Variants in PRKN observed in about 807,000 individuals in gnomAD.
PRKN encodes the protein E3 ubiquitin-protein ligase parkin.
Under a neutral mutation model 59.5 loss-of-function variants are expected in PRKN, and 56 were observed. The ratio of observed to expected loss-of-function variants is 0.94; its 90% confidence interval spans 0.76 to 1.18. The LOEUF (loss-of-function observed/expected upper bound fraction) is 1.18, where lower values mean the gene tolerates loss of function less well. Ranked by LOEUF, PRKN falls within the 50% of genes most tolerant of loss-of-function variation. The pLI is 0.00. For synonymous variants in PRKN, 250 were observed against 222.1 expected, an observed-to-expected ratio of 1.13 and a Z score of -1.12; for missense variants, 657 against 596.4, an observed-to-expected ratio of 1.10 and a Z score of -1.06.
chr6:161,750,704 T>G (rs551749896), intron 7 of PRKN, among the ~76,000 whole-genome samples: 1 of 149,096 alleles, frequency 6.7e-6, no homozygotes, highest in Non-Finnish European at 1.5e-5. Context: ...GAGGCAGAGG[T>G]TGCAGTGAGC....
In PRKN at chr6:161,347,439, A is replaced by T. The variant is rs904843395; in HGVS notation, c.*2660T>A. ...AAGCTCTTTTGATGCTTTATTGACA[A>T]TTTAAGTACAATCTTAGAGTTGTCA... On this transcript the variant is annotated 3_prime_UTR_variant, in exon 12 of 12. Coordinates refer to ENST00000366898, the MANE Select transcript of PRKN (RefSeq NM_004562.3). The T allele has an allele frequency of 1.3e-5, 2 of 152,136 alleles. No individual in the cohort carries two copies. Among genetic ancestry groups the T allele is most frequent in the African/African-American group, 4.8e-5 (2 of 41,418 alleles). The allele number at this position is 152,136 out of a possible 1,614,324, so 9.4% of individuals were successfully genotyped here. A position where few individuals can be genotyped will look rare whatever the true frequency, so the allele number is the denominator to read the frequency against.
chr6:161,964,534 G>T (rs1345105847), intron 6 of PRKN, among the ~76,000 whole-genome samples: 2 of 151,970 alleles, frequency 1.3e-5, no homozygotes, highest in Non-Finnish European at 2.9e-5. Flanking sequence ...ATATATCTTT[G>T]AAGTTTTCTC....
At chr6:162,586,568 C>A (rs1243011789) in intron 1 of PRKN, among the ~76,000 whole-genome samples, 1 of 152,124 alleles carries the variant, frequency 6.6e-6, no homozygotes, top group East Asian at 1.9e-4. Flanking sequence ...CCATCCTCTC[C>A]AATATGACTA....
intron 2 of PRKN, among the ~76,000 whole-genome samples, chr6:162,394,184 T>A (rs1287371495): frequency 6.6e-6 from 1 of 152,204 alleles, no homozygotes; most frequent in Non-Finnish European, 1.5e-5. Context: ...AATCTCGCTT[T>A]CATGTTTTCA....
chr6:162,437,954 A>G (rs1490795953), intron 2 of PRKN, among the ~76,000 whole-genome samples: 1 of 152,102 alleles, frequency 6.6e-6, no homozygotes, highest in African/African-American at 2.4e-5. Flanking sequence ...TAAGAGTATA[A>G]CTCTGTCATC....
At chr6:162,323,514 T>C (rs1026952332) in intron 2 of PRKN, among the ~76,000 whole-genome samples, 1 of 152,028 alleles carries the variant, frequency 6.6e-6, no homozygotes, top group Admixed American at 6.6e-5. Context: ...ATATGATATA[T>C]TCTTGTATCT....
At chr6:161,766,383 C>G (rs1047534323) in intron 7 of PRKN, among the ~76,000 whole-genome samples, 1 of 147,412 alleles carries the variant, frequency 6.8e-6, no homozygotes, top group African/African-American at 2.5e-5. Context: ...TCTTGGCTCA[C>G]TGCAACCTCC....
chr6:161,910,117 T>C (rs1217448042), intron 6 of PRKN, among the ~76,000 whole-genome samples: 2 of 152,210 alleles, frequency 1.3e-5, no homozygotes, highest in Non-Finnish European at 2.9e-5. Flanking sequence ...AAGATGTGAC[T>C]GAATTGTGGC....
At chr6:161,887,117 A>G (rs1795183546) in intron 6 of PRKN, among the ~76,000 whole-genome samples, 1 of 152,228 alleles carries the variant, frequency 6.6e-6, no homozygotes, top group Non-Finnish European at 1.5e-5. Context: ...TTCATAAAGC[A>G]TTAAGTTGTA....
chr6:162,143,145 T>C (rs1781860608), intron 4 of PRKN, among the ~76,000 whole-genome samples: 1 of 152,244 alleles, frequency 6.6e-6, no homozygotes, highest in South Asian at 2.1e-4. Context: ...TCCTTCTTCC[T>C]TGTTGAGTAA....
At chr6:162,243,161 T>G (rs975071427) in intron 3 of PRKN, among the ~76,000 whole-genome samples, 1 of 152,106 alleles carries the variant, frequency 6.6e-6, no homozygotes, top group African/African-American at 2.4e-5. Context: ...TCTGTTTTCT[T>G]GAGATGGGCT....
intron 6 of PRKN, among the ~76,000 whole-genome samples, chr6:161,897,837 G>A (rs769421006): frequency 6.6e-6 from 1 of 150,398 alleles, no homozygotes; most frequent in South Asian, 2.1e-4. Context: ...CGTAGTGGCG[G>A]GCGCCTGTAG....
chr6:162,378,354 A>G (rs1786236178), intron 2 of PRKN, among the ~76,000 whole-genome samples: 1 of 152,230 alleles, frequency 6.6e-6, no homozygotes, highest in African/African-American at 2.4e-5. Context: ...GGAGATGACA[A>G]AACAATTATC....
intron 1 of PRKN, among the ~76,000 whole-genome samples, chr6:162,612,987 T>A (rs2846535): frequency 6.6e-6 from 1 of 152,112 alleles, no homozygotes; most frequent in Non-Finnish European, 1.5e-5. Flanking sequence ...TTTGTTACTA[T>A]CAAATATTGG....
intron 6 of PRKN, among the ~76,000 whole-genome samples, chr6:161,788,041 G>T (rs1230678579): frequency 6.6e-6 from 1 of 152,210 alleles, no homozygotes; most frequent in Non-Finnish European, 1.5e-5. Flanking sequence ...CGCCACAGTG[G>T]CCCAGAAAGC....
At chr6:161,864,545 G>A (rs911280061) in intron 6 of PRKN, among the ~76,000 whole-genome samples, 1 of 152,122 alleles carries the variant, frequency 6.6e-6, no homozygotes, top group Non-Finnish European at 1.5e-5. Flanking sequence ...CAAAGCTCCT[G>A]TTAATGTTGA....
chr6:161,924,812 G>T (rs1327720462), intron 6 of PRKN, among the ~76,000 whole-genome samples: 5 of 152,154 alleles, frequency 3.3e-5, no homozygotes, highest in African/African-American at 1.2e-4. Flanking sequence ...TTCAACATTC[G>T]ATTTGCTTTT....
chr6:162,486,461 C>T (rs977251665), intron 1 of PRKN, among the ~76,000 whole-genome samples: 2 of 152,194 alleles, frequency 1.3e-5, no homozygotes, highest in Non-Finnish European at 1.5e-5. Context: ...CCTTGGGGGG[C>T]CATTCCAGTT....
At chr6:162,478,317 G>A (rs1043081564) in intron 1 of PRKN, among the ~76,000 whole-genome samples, 13 of 152,136 alleles carry the variant, frequency 8.5e-5, no homozygotes, top group East Asian at 1.9e-4. Context: ...CATCAAAGAC[G>A]TGATTTCTAA....
Sources: allele counts gnomAD v4.1 joint callset (sites outside exome capture counted in the v4.1 genomes callset), GRCh38; gene constraint gnomAD v4.1.1; transcripts MANE v1.5; gene names NCBI Gene and HGNC (gene_info 2026-07-23, HGNC 2026-07-21).